RBM28: variants seen among roughly 807,000 people sequenced by gnomAD.
The protein encoded by RBM28 is RNA-binding protein 28.
In RBM28, 78 loss-of-function variants were observed where a neutral mutation model predicts 98.3. The observed-to-expected ratio is 0.79, with a 90% CI of 0.66 to 0.96. The LOEUF (loss-of-function observed/expected upper bound fraction) is 0.96, where lower values mean the gene tolerates loss of function less well. Ranked by LOEUF, RBM28 falls within the 40% of genes least tolerant of loss-of-function variation. The probability of loss-of-function intolerance (pLI) is 0.00; values close to 1 mark genes in which losing one functional copy is unlikely to be tolerated. For missense variants in RBM28, 838 were observed against 913.0 expected (o/e 0.92, Z 1.06); for synonymous variants, 306 against 330.9 (o/e 0.92, Z 0.82).
chr7:128,313,313 T>G (rs1213994375), intron 17 of RBM28, 39 bp from the exon 18 acceptor site: 1 of 1,578,350 alleles, frequency 6.3e-7, no homozygotes, highest in Admixed American at 1.7e-5. Flanking sequence ...GAGTCCTTCT[T>G]CTAATTTGAC....
chr7:128,317,157 G>C (rs748342839), intron 16 of RBM28, among the ~76,000 whole-genome samples: 2 of 152,138 alleles, frequency 1.3e-5, no homozygotes, highest in Non-Finnish European at 2.9e-5. Context: ...AGTTCAGAGC[G>C]GTAATAACTG....
Position 128,324,563 on chromosome 7 carries a change from T to G in RBM28, c.1335A>C (p.Glu445Asp). The G allele has an allele frequency of 6.2e-7, 1 of 1,614,216 alleles. No homozygotes were observed. The highest frequency in any genetic ancestry group is 8.5e-7 in the Non-Finnish European group (1 of 1,180,040). The change falls in exon 12 of 19, where the codon GAA becomes GAC. Residue 445 changes from glutamate (E) to aspartate (D), a missense_variant. Coordinates refer to ENST00000223073, the MANE Select transcript of RBM28 (RefSeq NM_018077.3). The part of the protein sequence containing the change: ...TGTRNLYLAR[E>D]GLIRAGTKAA... Reference sequence around the variant, plus strand: ...GGGTTACATCTCCCTACTCACAGCCTTCTCGGGCCAGATAGAGATTCCGGG... The same window carrying G: ...GGGTTACATCTCCCTACTCACAGCCGTCTCGGGCCAGATAGAGATTCCGGG...
chr7:128,326,136 C>T (rs545493247), intron 10 of RBM28, among the ~76,000 whole-genome samples: 6 of 152,180 alleles, frequency 3.9e-5, no homozygotes, highest in African/African-American at 1.2e-4. Flanking sequence ...AACCCCGTCG[C>T]TACTAAAAAT....
chr7:128,335,021 G>A (rs1796566772), intron 8 of RBM28, among the ~76,000 whole-genome samples: 2 of 152,212 alleles, frequency 1.3e-5, no homozygotes, highest in South Asian at 4.1e-4. Context: ...TGGCACCTGG[G>A]ACTTCTAGCC....
chr7:128,308,551 T>C lies in RBM28; in HGVS notation c.*2246A>G, dbSNP rs12538391. The C allele has an allele frequency of 0.31, 47,150 of 152,172 alleles. 8,501 individuals carry two copies. The highest frequency in any genetic ancestry group is 0.6 in the East Asian group (3,092 of 5,172). 9.4% of individuals were successfully genotyped at this position (152,172 alleles called of 1,614,324 possible). On this transcript the variant is annotated 3_prime_UTR_variant, in exon 19 of 19. Transcript: ENST00000223073. Reference sequence around the variant, plus strand: ...AGAACATTTGACAGCCCAAGTCATGTCTCGAGGTGAACTTGGAGATAAATC... The same window carrying C: ...AGAACATTTGACAGCCCAAGTCATGCCTCGAGGTGAACTTGGAGATAAATC...
At chr7:128,343,575 C>G in intron 1 of RBM28, 101 bp downstream of exon 1, 1 of 805,878 alleles carries the variant, frequency 1.2e-6, no homozygotes, top group Non-Finnish European at 2.0e-6. Flanking sequence ...CCTGTCCCTT[C>G]TCTTCGGGGA....
intron 10 of RBM28, among the ~76,000 whole-genome samples, chr7:128,329,287 T>C (rs772780098): frequency 6.6e-6 from 1 of 151,912 alleles, no homozygotes; most frequent in Non-Finnish European, 1.5e-5. Context: ...TTAGTAGAGA[T>C]GGGGTTTCTC....
At chr7:128,342,473 C>G (rs359659) in intron 1 of RBM28, among the ~76,000 whole-genome samples, 101,382 of 151,900 alleles carry the variant, frequency 0.67, 34,883 homozygotes, top group African/African-American at 0.83. Flanking sequence ...CCTGAGGTCT[C>G]GAGTTCCAGA....
At chr7:128,337,372 A>G (rs1796624132) in intron 5 of RBM28, among the ~76,000 whole-genome samples, 170 bp from the exon 6 acceptor site, 1 of 152,124 alleles carries the variant, frequency 6.6e-6, no homozygotes, top group Non-Finnish European at 1.5e-5. Context: ...TACTCCTTTT[A>G]ACCCTTAACC....
chr7:128,333,174 A>C (rs1281026163), intron 9 of RBM28, 116 bp downstream of exon 9: 4 of 790,612 alleles, frequency 5.1e-6, no homozygotes, highest in Non-Finnish European at 8.9e-6. Context: ...CTGGGACCAG[A>C]TGTGCTTGAT....
intron 5 of RBM28, among the ~76,000 whole-genome samples, chr7:128,337,660 C>T (rs1235037190): frequency 2.0e-5 from 3 of 150,814 alleles, no homozygotes; most frequent in African/African-American, 4.9e-5. Flanking sequence ...CAGGTTCAAG[C>T]GATTCTCCTG....
rs1427219364 is a variant in RBM28, at chr7:128,302,643, T to C, written c.*8154A>G. Reference sequence around the variant, plus strand: ...CTTTTTTCACCTATTAGTATGTATATGAGTACATTTGGCTTGTGGTAGATC... The same window carrying C: ...CTTTTTTCACCTATTAGTATGTATACGAGTACATTTGGCTTGTGGTAGATC... On this transcript the variant is annotated 3_prime_UTR_variant, in exon 19 of 19. Coordinates refer to ENST00000223073, the MANE Select transcript of RBM28 (RefSeq NM_018077.3). 6.6e-6 allele frequency: 1 copy of C among 152,188 alleles called. No homozygotes were observed. The highest frequency in any genetic ancestry group is 1.5e-5 in the Non-Finnish European group (1 of 68,054). 9.4% of individuals were successfully genotyped at this position (152,188 alleles called of 1,614,324 possible). A position where few individuals can be genotyped will look rare whatever the true frequency, so the allele number is the denominator to read the frequency against.
At chr7:128,314,589 A>G (rs967235038) in intron 17 of RBM28, among the ~76,000 whole-genome samples, 175 bp downstream of exon 17, 6 of 152,242 alleles carry the variant, frequency 3.9e-5, no homozygotes, top group African/African-American at 1.4e-4. Flanking sequence ...CATTGATCTA[A>G]GAGTGACATC....
At chr7:128,311,002 AC>A in intron 18 of RBM28, 71 bp from the exon 19 acceptor site, 1 of 1,487,146 alleles carries the variant, frequency 6.7e-7, no homozygotes, top group East Asian at 2.3e-5. Flanking sequence ...CCCTCAGGCC[AC>A]CCAAGAGAGA....
chr7:128,315,370 A>G (rs1308718973), intron 16 of RBM28, among the ~76,000 whole-genome samples: 1 of 152,248 alleles, frequency 6.6e-6, no homozygotes, highest in African/African-American at 2.4e-5. Context: ...TAATGAAGTA[A>G]TAAGGGCTGA....
chr7:128,340,492 T>C (rs1369163848), intron 1 of RBM28, among the ~76,000 whole-genome samples: 4 of 152,118 alleles, frequency 2.6e-5, no homozygotes, highest in Admixed American at 2.0e-4. Context: ...CCACTAAACT[T>C]TGGACTTCTC....
intron 1 of RBM28, among the ~76,000 whole-genome samples, chr7:128,343,332 G>A (rs949510815): frequency 1.3e-5 from 2 of 152,062 alleles, no homozygotes; most frequent in African/African-American, 4.8e-5. Context: ...CTCTCCATCC[G>A]GTAAGATTGC....
At chr7:128,321,610 T>C (rs1278901924) in intron 13 of RBM28, among the ~76,000 whole-genome samples, 186 bp from the exon 14 acceptor site, 1 of 152,076 alleles carries the variant, frequency 6.6e-6, no homozygotes, top group African/African-American at 2.4e-5. Context: ...GGGAACAAGA[T>C]GGTGGGTGGG....
chr7:128,314,653 C>T, intron 17 of RBM28, 111 bp downstream of exon 17: 2 of 1,549,578 alleles, frequency 1.3e-6, no homozygotes, highest in Non-Finnish European at 1.8e-6. Context: ...ATACATAGCA[C>T]CAAACATCCT....
Sources: allele counts gnomAD v4.1 joint callset (sites outside exome capture counted in the v4.1 genomes callset), GRCh38; gene constraint gnomAD v4.1.1; transcripts MANE v1.5; gene names NCBI Gene and HGNC (gene_info 2026-07-23, HGNC 2026-07-21).